PTPRD: variants seen among roughly 807,000 people sequenced by gnomAD.
PTPRD encodes receptor-type tyrosine-protein phosphatase delta.
Under a neutral mutation model 214.5 loss-of-function variants are expected in PTPRD, and 34 were observed. The ratio of observed to expected loss-of-function variants is 0.16; its 90% CI spans 0.12 to 0.21. The LOEUF (loss-of-function observed/expected upper bound fraction) is 0.21, where lower values mean the gene tolerates loss of function less well. Ranked by LOEUF, PTPRD falls within the 10% of genes least tolerant of loss-of-function variation. PTPRD has a pLI of 1.00. For missense variants in PTPRD, 2,545 were observed against 2,398.7 expected, an observed-to-expected ratio of 1.06 and a Z score of -1.27; for synonymous variants, 1,128 against 845.7, an observed-to-expected ratio of 1.33 and a Z score of -5.79.
At chr9:8,410,651 A>G (rs1436001454) in intron 35 of PTPRD, among the ~76,000 whole-genome samples, 2 of 152,178 alleles carry the variant, frequency 1.3e-5, no homozygotes, top group African/African-American at 4.8e-5. Flanking sequence ...ATGTATAAAT[A>G]TACCACACTC....
intron 4 of PTPRD, among the ~76,000 whole-genome samples, chr9:10,013,014 A>G (rs117775356): frequency 2.6e-3 from 401 of 152,092 alleles, no homozygotes; most frequent in Middle Eastern, 0.014. Flanking sequence ...TCTGTTAGAA[A>G]AGCATATCCG....
intron 8 of PTPRD, among the ~76,000 whole-genome samples, chr9:9,518,721 C>A (rs373476920): frequency 8.5e-5 from 13 of 152,102 alleles, no homozygotes; most frequent in African/African-American, 2.9e-4. Context: ...TAATGTAATG[C>A]ATGCCAGTTT....
At position 8,480,822 on chromosome 9, in the gene PTPRD, C is replaced by G. The variant is rs191922935; in HGVS notation, c.3413+3297G>C. 2.6e-3 allele frequency among the ~76,000 whole-genome samples: 403 copies of G among 152,188 alleles called. 1 individual carries two copies. Among genetic ancestry groups the G allele is most frequent in the African/African-American group, 9.4e-3 (391 of 41,530 alleles). On this transcript the variant is annotated intron_variant, in intron 30 of 45. Transcript: ENST00000381196. ...TTGGGATAAAAATTACACAAATACT[C>G]CATTCTCATTTTCAGATTTCTAGAT... is the stretch of plus-strand genomic sequence containing the variant.
At chr9:8,949,299 G>C (rs1077882) in intron 11 of PTPRD, among the ~76,000 whole-genome samples, 3,499 of 151,528 alleles carry the variant, frequency 0.023, 49 homozygotes, top group Middle Eastern at 0.049. Context: ...CATGTGAAGA[G>C]TGGTAGAAAT....
At chr9:10,557,300 A>G (rs2062831283) in intron 2 of PTPRD, among the ~76,000 whole-genome samples, 1 of 152,174 alleles carries the variant, frequency 6.6e-6, no homozygotes. Context: ...GATTTAAAAA[A>G]ATAAAATGTC....
rs536317051 is a variant in PTPRD at position 10,057,825 on chromosome 9, G to C, written c.-544-24035C>G. ...CAACTGCCCTCCAGCCTGGGCAACA[G>C]AGTGAGACTCCGTCTCAAAAAAAAA... On this transcript the variant is annotated intron_variant, in intron 3 of 45. Coordinates refer to ENST00000381196, the MANE Select transcript of PTPRD (RefSeq NM_002839.4). 1.6e-3 allele frequency among the ~76,000 whole-genome samples: 243 copies of C among 147,760 alleles called. 1 individual carries two copies. The highest frequency in any genetic ancestry group is 4.6e-3 in the African/African-American group (182 of 39,394).
intron 11 of PTPRD, among the ~76,000 whole-genome samples, chr9:8,759,157 A>C (rs1489774042): frequency 6.6e-6 from 1 of 152,006 alleles, no homozygotes; most frequent in Non-Finnish European, 1.5e-5. Context: ...CTGCCTCCCA[A>C]GTAGCTAGGA....
At chr9:10,560,712 A>G (rs1050139027) in intron 2 of PTPRD, among the ~76,000 whole-genome samples, 16 of 152,144 alleles carry the variant, frequency 1.1e-4, no homozygotes, top group African/African-American at 3.9e-4. Flanking sequence ...AAAGTGCTGT[A>G]CCAGTCGCAG....
intron 4 of PTPRD, among the ~76,000 whole-genome samples, chr9:9,985,478 G>A (rs1346681536): frequency 6.6e-6 from 1 of 151,704 alleles, no homozygotes; most frequent in Non-Finnish European, 1.5e-5. Flanking sequence ...ATAATCTTTG[G>A]GAAAGATTCT....
At chr9:10,005,729 G>A (rs1251229679) in intron 4 of PTPRD, among the ~76,000 whole-genome samples, 1 of 151,944 alleles carries the variant, frequency 6.6e-6, no homozygotes, top group Non-Finnish European at 1.5e-5. Context: ...AATATATATT[G>A]ATAAAATGAA....
chr9:9,220,069 T>C (rs2133304838), intron 9 of PTPRD, among the ~76,000 whole-genome samples: 1 of 152,198 alleles, frequency 6.6e-6, no homozygotes, highest in Non-Finnish European at 1.5e-5. Flanking sequence ...CTTAGAGAAG[T>C]TTACTTAGAG....
chr9:10,375,694 C>T (rs960241726), intron 2 of PTPRD, among the ~76,000 whole-genome samples: 3 of 151,960 alleles, frequency 2.0e-5, no homozygotes, highest in Admixed American at 1.3e-4. Context: ...TGCTTTGTTA[C>T]TTTCCCTTTG....
intron 3 of PTPRD, among the ~76,000 whole-genome samples, chr9:10,338,895 G>A (rs2096890290): frequency 6.6e-6 from 1 of 151,396 alleles, no homozygotes; most frequent in Non-Finnish European, 1.5e-5. Context: ...AAATTAAATA[G>A]AGTACATTGC....
intron 9 of PTPRD, among the ~76,000 whole-genome samples, chr9:9,187,407 A>G (rs2099932279): frequency 6.6e-6 from 1 of 152,076 alleles, no homozygotes; most frequent in African/African-American, 2.4e-5. Context: ...TTCCAGGAAA[A>G]AATAAGTTTT....
Position 10,527,229 on chromosome 9 carries a change from C to T in PTPRD, c.-600+85169G>A, listed in dbSNP as rs543958509. On this transcript the variant is annotated intron_variant, in intron 2 of 45. Coordinates refer to ENST00000381196, the MANE Select transcript of PTPRD (RefSeq NM_002839.4). ...TTTCTTTAAAACAGATAAATATGCTCGCAAGTCTGCTCATGCCTCCCACTA... is the reference window on the plus strand; with the variant it reads ...TTTCTTTAAAACAGATAAATATGCTTGCAAGTCTGCTCATGCCTCCCACTA... Among the ~76,000 whole-genome samples, 18 of 152,236 alleles carry T rather than the reference C, an allele frequency of 1.2e-4. No homozygotes were observed. The South Asian group carries it at 1.7e-3, about 14-fold the overall frequency.
rs577593001 is a variant in PTPRD at position 9,450,410 on chromosome 9, A to G, written c.-236-52928T>C. On this transcript the variant is annotated intron_variant, in intron 8 of 45. Coordinates refer to ENST00000381196, the MANE Select transcript of PTPRD (RefSeq NM_002839.4). ...AGTATAAAAGTGTTCCCTTTTCACCACATCCATGCCAACATCTATTATTTT... is the reference window on the plus strand; with the variant it reads ...AGTATAAAAGTGTTCCCTTTTCACCGCATCCATGCCAACATCTATTATTTT... 4.6e-5 allele frequency among the ~76,000 whole-genome samples: 7 copies of G among 152,004 alleles called. No homozygotes were observed. The East Asian group carries it at 1.2e-3, about 25-fold the overall frequency.
intron 5 of PTPRD, among the ~76,000 whole-genome samples, chr9:9,900,641 G>A (rs1241316812): frequency 8.3e-6 from 1 of 120,086 alleles, no homozygotes; most frequent in South Asian, 2.7e-4. Context: ...ACATTTTCAG[G>A]TTTTTTTTTT....
intron 8 of PTPRD, among the ~76,000 whole-genome samples, chr9:9,510,471 G>A (rs1024448490): frequency 2.0e-5 from 3 of 151,362 alleles, no homozygotes; most frequent in African/African-American, 7.3e-5. Context: ...TAAATTAAGA[G>A]GGATAGTTAG....
At chr9:8,544,410 G>C (rs1244386755) in intron 14 of PTPRD, among the ~76,000 whole-genome samples, 2 of 148,500 alleles carry the variant, frequency 1.3e-5, no homozygotes, top group Middle Eastern at 7.3e-3. Context: ...TAAAACAGCA[G>C]TTGCTTTTGC....
Sources: allele counts gnomAD v4.1 joint callset (sites outside exome capture counted in the v4.1 genomes callset), GRCh38; gene constraint gnomAD v4.1.1; transcripts MANE v1.5; gene names NCBI Gene and HGNC (gene_info 2026-07-23, HGNC 2026-07-21).